The following PRAMEF15 variants were observed in gnomAD, a reference collection of about 807,000 sequenced individuals.
PRAMEF15 encodes PRAME family member 9/15.
PRAMEF15 carries 21 observed loss-of-function variants against 35.3 expected under a neutral mutation model. The ratio of observed to expected loss-of-function variants is 0.59; its 90% CI spans 0.42 to 0.86. The LOEUF is 0.86. Among genes scored for constraint, PRAMEF15 ranks in the 40% least tolerant of loss-of-function variants. The pLI, the probability that PRAMEF15 is intolerant of heterozygous loss-of-function variation, is 0.00. For synonymous variants in PRAMEF15, 122 were observed against 223.3 expected (o/e 0.55, Z 4.05); for missense variants, 360 against 574.1 (o/e 0.63, Z 3.81).
rs1640088867 is a variant in PRAMEF15, at chr1:13,321,888, TTGAG to T, written c.1063_1066del (p.Glu355ThrfsTer4). The T allele has an allele frequency of 6.2e-7, 1 of 1,611,238 alleles. No homozygotes were observed. ...CTCCTAGAAAAAGTTGCAGCCACCCTTGAGTACCTGGATTTAGATGACTGTGGCA... is the reference window on the plus strand; with the variant it reads ...CTCCTAGAAAAAGTTGCAGCCACCCTTACCTGGATTTAGATGACTGTGGCA... On this transcript the variant is annotated frameshift_variant, in exon 4 of 4. Coordinates refer to ENST00000376152, the MANE Select transcript of PRAMEF15 (RefSeq NM_001098376.3). LOFTEE classifies it high-confidence loss of function.
chr1:13,318,608 T>C lies in PRAMEF15; in HGVS notation c.201T>C (p.Pro67=), dbSNP rs1371637177. ...MVQAWPFRRL[P]LRPLIKMPCL... ...AGGCCTGGCCCTTCCGCCGCCTCCC[T>C]CTGAGGCCTCTGATAAAGATGCCTT... The change falls in exon 2 of 4, where the codon CCT becomes CCC. Residue 67 remains proline (P), a synonymous_variant. Coordinates refer to ENST00000376152, the MANE Select transcript of PRAMEF15 (RefSeq NM_001098376.3). The C allele has an allele frequency of 2.5e-6, 4 of 1,613,842 alleles. No individual in the cohort carries two copies. In the East Asian group the frequency reaches 8.9e-5, roughly 36 times the overall value.
chr1:13,319,273 G>A, intron 2 of PRAMEF15, 99 bp from the exon 3 acceptor site: 2 of 1,576,562 alleles, frequency 1.3e-6, no homozygotes, highest in East Asian at 2.3e-5. Context: ...CAGAGAGAGG[G>A]ACAACAAGCA....
At chr1:13,320,569 G>A (rs1362142060) in intron 3 of PRAMEF15, among the ~76,000 whole-genome samples, 21 of 150,128 alleles carry the variant, frequency 1.4e-4, no homozygotes, top group African/African-American at 3.7e-4. Flanking sequence ...GATTACAGGC[G>A]TGAGCCACCA....
intron 3 of PRAMEF15, 128 bp downstream of exon 3, chr1:13,320,081 A>C: frequency 1.3e-6 from 2 of 1,572,804 alleles, no homozygotes; most frequent in African/African-American, 1.3e-5. Flanking sequence ...ATGTCCATGC[A>C]TTGTCCTGTT....
intron 1 of PRAMEF15, 131 bp from the exon 2 acceptor site, chr1:13,318,261 A>T (rs1367533785): frequency 6.9e-5 from 103 of 1,495,086 alleles, no homozygotes; most frequent in East Asian, 9.0e-5. Flanking sequence ...CACTGAGTAC[A>T]GAGTAGAATT....
At chr1:13,320,229 C>T (rs2100323286) in intron 3 of PRAMEF15, among the ~76,000 whole-genome samples, 1 of 152,124 alleles carries the variant, frequency 6.6e-6, no homozygotes, top group East Asian at 1.9e-4. Flanking sequence ...GGGTGCCTTT[C>T]TGAATTCTTC....
chr1:13,317,779 G>C (rs1172609692), intron 1 of PRAMEF15, among the ~76,000 whole-genome samples: 3 of 151,008 alleles, frequency 2.0e-5, no homozygotes, highest in African/African-American at 4.9e-5. Flanking sequence ...CTGTCAGAAA[G>C]AGTGAGAGAG....
intron 3 of PRAMEF15, among the ~76,000 whole-genome samples, chr1:13,320,730 A>C (rs1279856247): frequency 1.1e-4 from 16 of 152,138 alleles, no homozygotes. Context: ...AGCCAACAAG[A>C]TAATTTTTAA....
At chr1:13,316,264 A>C (rs1329535929) in intron 1 of PRAMEF15, among the ~76,000 whole-genome samples, 2 of 151,628 alleles carry the variant, frequency 1.3e-5, no homozygotes, top group East Asian at 3.8e-4. Flanking sequence ...TTGGCCTCCC[A>C]AAGTGCTGGG....
At chr1:13,318,066 T>A (rs1468155252) in intron 1 of PRAMEF15, among the ~76,000 whole-genome samples, 3 of 152,026 alleles carry the variant, frequency 2.0e-5, no homozygotes, top group Non-Finnish European at 4.4e-5. Context: ...CCCATTGTTT[T>A]AGATCCTTGA....
chr1:13,316,658 A>G (rs1640009439), intron 1 of PRAMEF15, among the ~76,000 whole-genome samples: 3 of 152,058 alleles, frequency 2.0e-5, no homozygotes, highest in Admixed American at 2.0e-4. Context: ...CAGCTCCCTC[A>G]GCACCAAAAA....
At chr1:13,317,015 G>A (rs1447571541) in intron 1 of PRAMEF15, among the ~76,000 whole-genome samples, 2 of 150,192 alleles carry the variant, frequency 1.3e-5, no homozygotes, top group African/African-American at 5.0e-5. Flanking sequence ...TATTCTTTAA[G>A]AAAGCCAAAA....
intron 1 of PRAMEF15, 83 bp downstream of exon 1, chr1:13,315,741 G>C (rs1639994117): frequency 6.6e-6 from 1 of 150,506 alleles, no homozygotes; most frequent in African/African-American, 2.4e-5. Flanking sequence ...GCCTACGATG[G>C]CACAGAGCTA....
chr1:13,316,510 T>G lies in PRAMEF15; in HGVS notation c.-17+852T>G, dbSNP rs1000656688. On this transcript the variant is annotated intron_variant, in intron 1 of 3. Transcript: ENST00000376152. ...ATCCTCTTCCACCCAAATGGAGACA[T>G]GGCTGTGGGGGGTGCATGCCTGTAG... is the stretch of plus-strand genomic sequence containing the variant. Among the ~76,000 whole-genome samples the G allele has an allele frequency of 2.3e-3, 356 of 151,898 alleles. 4 individuals carry two copies. The highest frequency in any genetic ancestry group is 0.02 in the Middle Eastern group (6 of 294).
chr1:13,318,301 C>G (rs1640032780), intron 1 of PRAMEF15, 91 bp from the exon 2 acceptor site: 9 of 1,590,856 alleles, frequency 5.7e-6, no homozygotes. Context: ...TTCACCATTG[C>G]CAGAGCAGTG....
At chr1:13,317,531 G>T (rs1276089003) in intron 1 of PRAMEF15, among the ~76,000 whole-genome samples, 1 of 152,086 alleles carries the variant, frequency 6.6e-6, no homozygotes, top group South Asian at 2.1e-4. Context: ...ATGTTGGGAG[G>T]CCAAGAGGGG....
rs1388249853 is a variant in PRAMEF15 at position 13,318,315 on chromosome 1, T to C, written c.-16-77T>C. On this transcript the variant is annotated intron_variant, in intron 1 of 3. Transcript: ENST00000376152. ...TTTCACCATTGCCAGAGCAGTGAGT[T>C]TGGCCATAGGAGAAGATGAGATTGC... 950 of 1,591,604 alleles carry C rather than the reference T, an allele frequency of 6.0e-4. 9 individuals are homozygous for C. The highest frequency in any genetic ancestry group is 5.8e-3 in the African/African-American group (427 of 74,204).
chr1:13,316,479 A>T (rs1419194092), intron 1 of PRAMEF15, among the ~76,000 whole-genome samples: 1 of 151,708 alleles, frequency 6.6e-6, no homozygotes, highest in East Asian at 1.9e-4. Context: ...ATTTTAAACC[A>T]ATCACATCCT....
chr1:13,320,060 A>C (rs1285504547), intron 3 of PRAMEF15, 107 bp downstream of exon 3: 5 of 1,404,676 alleles, frequency 3.6e-6, no homozygotes, highest in African/African-American at 1.5e-5. Context: ...AACAGTGAAG[A>C]GGACACTAGA....
Sources: gnomAD v4.1 joint callset for allele counts (sites outside exome capture counted in the v4.1 genomes callset) on GRCh38, gnomAD v4.1.1 for gene constraint, MANE v1.5 for transcripts, NCBI Gene and HGNC (gene_info 2026-07-23, HGNC 2026-07-21) for gene names.